The following CSF1R variants were observed in gnomAD, a reference collection of about 807,000 sequenced individuals.
The protein encoded by CSF1R is colony stimulating factor 1 receptor, also known as macrophage colony-stimulating factor 1 receptor.
A neutral mutation model predicts 110.0 loss-of-function variants in CSF1R; 40 were observed. The observed-to-expected ratio is 0.36, with a 90% CI of 0.28 to 0.47. The LOEUF is 0.47. CSF1R is among the 20% of genes least tolerant of loss of function. The pLI is 0.99. For synonymous variants in CSF1R, 523 were observed against 503.4 expected (o/e 1.04, Z -0.52); for missense variants, 1,052 against 1,253.0 (o/e 0.84, Z 2.42).
rs1757541809 is a variant in CSF1R at position 150,061,780 on chromosome 5, G to C, written c.1696C>G (p.Pro566Ala). ...TTCTCGTTGTAAGGCAGCTGCGTGG[G>C]GTCGATGAAAGTATAACTGTTGCCC... ...YEGNSYTFID[P>A]TQLPYNEKWE... Residue 566 changes from proline to alanine, a missense_variant, in exon 11 of 21, where the codon CCC (proline) becomes GCC (alanine). Pro to Ala is a conservative substitution (Grantham distance 27). This residue lies in a region of CSF1R where 693 missense variants were observed against 735.4 expected (regional missense o/e 0.94). Coordinates refer to ENST00000675795, the MANE Select transcript of CSF1R (RefSeq NM_001288705.3). The C allele has an allele frequency of 3.7e-6, 6 of 1,614,182 alleles. No individual in the cohort carries two copies. Among genetic ancestry groups the C allele is most frequent in the Non-Finnish European group, 5.1e-6 (6 of 1,180,038 alleles).
chr5:150,086,647 T>G, upstream of CSF1R: 1 of 521,874 alleles, frequency 1.9e-6, no homozygotes, highest in Non-Finnish European at 3.4e-6. Flanking sequence ...TCTTGGGTCT[T>G]TAAGAAGAAA....
intron 9 of CSF1R, among the ~76,000 whole-genome samples, chr5:150,069,518 G>C (rs943833796): frequency 2.2e-4 from 34 of 152,126 alleles, no homozygotes; most frequent in Non-Finnish European, 1.5e-5. Context: ...CTGAGCTCTG[G>C]GGAGGCACTG....
intron 12 of CSF1R, 59 bp downstream of exon 12, chr5:150,061,432 A>AGG: frequency 7.0e-6 from 7 of 999,456 alleles, no homozygotes; most frequent in East Asian, 3.0e-5. Context: ...CACCAGGGCC[A>AGG]GCCCACCCCC....
At chr5:150,107,317 C>T (rs1313067798) in intron 1 of CSF1R, among the ~76,000 whole-genome samples, 2 of 152,202 alleles carry the variant, frequency 1.3e-5, no homozygotes, top group Non-Finnish European at 1.5e-5. Flanking sequence ...CATCTATGGA[C>T]ATTAACATGA....
chr5:150,079,376 G>A (rs1290696094), intron 3 of CSF1R, among the ~76,000 whole-genome samples: 1 of 152,202 alleles, frequency 6.6e-6, no homozygotes, highest in Non-Finnish European at 1.5e-5. Flanking sequence ...TCCTCAGGCT[G>A]GGGTCCTGCT....
At chr5:150,063,790 C>T (rs541930662) in intron 10 of CSF1R, among the ~76,000 whole-genome samples, 4 of 152,178 alleles carry the variant, frequency 2.6e-5, no homozygotes, top group East Asian at 1.9e-4. Context: ...TGGGCTGGGG[C>T]GGTGGAGGAC....
intron 13 of CSF1R, 61 bp from the exon 14 acceptor site, chr5:150,059,923 G>A (rs1757427374): frequency 1.3e-6 from 2 of 1,554,410 alleles, no homozygotes; most frequent in African/African-American, 1.4e-5. Context: ...ATGAACAGGA[G>A]CATGAGACTG....
Position 150,057,578 on chromosome 5 carries a change from G to T in CSF1R, c.2147C>A (p.Ser716Tyr). 6.2e-7 allele frequency: 1 copy of T among 1,614,046 alleles called. No homozygotes were observed. Among genetic ancestry groups the T allele is most frequent in the Non-Finnish European group, 8.5e-7 (1 of 1,179,908 alleles). The change falls in exon 15 of 21, where the codon TCC (serine) becomes TAC (tyrosine). Residue 716 changes from serine (S) to tyrosine (Y), a missense_variant. Transcript: ENST00000675795. ...KKYVRRDSGF[S>Y]SQGVDTYVEM... ...CACATAGGTGTCCACACCCTGGCTG[G>T]AGAAGCCACTGTCCCTACATAGGAG...
intron 16 of CSF1R, among the ~76,000 whole-genome samples, chr5:150,056,886 A>G (rs966118625): frequency 6.6e-6 from 1 of 152,148 alleles, no homozygotes; most frequent in African/African-American, 2.4e-5. Flanking sequence ...AAGAGCTCCC[A>G]TTCCCTGGCA....
rs1034592507 is a variant in CSF1R, at chr5:150,053,836, G to T, written c.*233C>A. ...CCAACACCATGAGAACAGTAGGGGAGGGGGGGGTGAGGGCTCAGCCCCCAG... is the reference window on the plus strand; with the variant it reads ...CCAACACCATGAGAACAGTAGGGGATGGGGGGGTGAGGGCTCAGCCCCCAG... On this transcript the variant is annotated 3_prime_UTR_variant, in exon 21 of 21. Transcript: ENST00000675795. 68 of 518,892 alleles carry T rather than the reference G, an allele frequency of 1.3e-4. 1 individual carries two copies. The African/African-American group carries it at 1.5e-3, about 12-fold the overall frequency. The allele number at this position is 518,892 out of a possible 1,614,324, so 32.1% of individuals were successfully genotyped here.
chr5:150,106,443 A>G (rs947838009), intron 1 of CSF1R, among the ~76,000 whole-genome samples: 1 of 152,024 alleles, frequency 6.6e-6, no homozygotes, highest in African/African-American at 2.4e-5. Context: ...ACTGCAGCCC[A>G]TGCCCTGGGA....
intron 9 of CSF1R, 58 bp from the exon 10 acceptor site, chr5:150,068,388 T>A: frequency 8.0e-7 from 1 of 1,248,806 alleles, no homozygotes; most frequent in Non-Finnish European, 1.2e-6. Flanking sequence ...CCCCCTGAGG[T>A]CAGGCCTGCA....
chr5:150,087,566 T>C (rs1318759085), upstream of CSF1R, among the ~76,000 whole-genome samples: 1 of 152,188 alleles, frequency 6.6e-6, no homozygotes, highest in Non-Finnish European at 1.5e-5. Context: ...GTTACTTACA[T>C]TGTTTATTTA....
In CSF1R at chr5:150,080,282, T is replaced by C. The variant is rs1219077311; in HGVS notation, c.362A>G (p.Gln121Arg). 2 of 1,613,866 alleles carry C rather than the reference T, an allele frequency of 1.2e-6. No individual in the cohort carries two copies. Among genetic ancestry groups the C allele is most frequent in the East Asian group, 2.2e-5 (1 of 44,902 alleles). ...GAGCAGACAGGGCAGTAGTGCGTCC[T>C]GGTCCTCGAACACGACCACCTCCTG... The part of the protein sequence containing the change: ...LAQEVVVFED[Q>R]DALLPCLLTD... Residue 121 changes from glutamine to arginine, a missense_variant, in exon 3 of 21, where the codon CAG (glutamine) becomes CGG (arginine). Gln to Arg is a conservative substitution (Grantham distance 43). Around this residue, in one of 5 missense-constraint regions of CSF1R, gnomAD observed 693 missense variants for 735.4 expected, o/e 0.94. Transcript: ENST00000675795.
intron 14 of CSF1R, chr5:150,058,040 C>T (rs1757331378): frequency 2.7e-6 from 1 of 365,084 alleles, no homozygotes; most frequent in African/African-American, 2.1e-5. Flanking sequence ...AGGCTAATTA[C>T]TAATACTTCA....
intron 5 of CSF1R, among the ~76,000 whole-genome samples, chr5:150,074,748 A>T (rs762681): frequency 6.6e-6 from 1 of 151,952 alleles, no homozygotes; most frequent in African/African-American, 2.4e-5. Flanking sequence ...CCCTCTATGG[A>T]GTCCCATTGC....
At chr5:150,065,641 T>C (rs939146831) in intron 10 of CSF1R, among the ~76,000 whole-genome samples, 1 of 152,168 alleles carries the variant, frequency 6.6e-6, no homozygotes, top group African/African-American at 2.4e-5. Flanking sequence ...GGGCAGGCAC[T>C]TAGCACGGGC....
chr5:150,082,090 C>T (rs1195807816), intron 1 of CSF1R, among the ~76,000 whole-genome samples: 1 of 152,250 alleles, frequency 6.6e-6, no homozygotes, highest in Admixed American at 6.5e-5. Context: ...CTCCTAGCCA[C>T]TCTCCTCTCT....
chr5:150,057,752 C>A (rs11949972), intron 14 of CSF1R, among the ~76,000 whole-genome samples, 160 bp from the exon 15 acceptor site: 2 of 152,196 alleles, frequency 1.3e-5, no homozygotes, highest in South Asian at 4.1e-4. Flanking sequence ...GGTCTCTGCT[C>A]GGCTGTCCCC....
Sources: allele counts gnomAD v4.1 joint callset (sites outside exome capture counted in the v4.1 genomes callset), GRCh38; gene constraint gnomAD v4.1.1; regional missense constraint gnomAD v4.1.1; transcripts MANE v1.5; gene names NCBI Gene and HGNC (gene_info 2026-07-23, HGNC 2026-07-21).